The following PRKAG2 variants were observed in gnomAD, a reference collection of about 807,000 sequenced individuals.
The protein encoded by PRKAG2 is protein kinase AMP-activated non-catalytic subunit gamma 2.
PRKAG2 carries 26 observed loss-of-function variants against 69.6 expected under a neutral mutation model. The observed-to-expected ratio is 0.37, with a 90% CI of 0.27 to 0.52. PRKAG2 has a LOEUF of 0.52. Among genes scored for constraint, PRKAG2 ranks in the 20% least tolerant of loss-of-function variants. The pLI, the probability that PRKAG2 is intolerant of heterozygous loss-of-function variation, is 0.90. For missense variants in PRKAG2, 557 were observed against 740.0 expected (o/e 0.75, Z 2.87); for synonymous variants, 293 against 285.0 (o/e 1.03, Z -0.28).
chr7:151,641,244 CTTTTTTTTTTT>C (rs374667332), intron 4 of PRKAG2, among the ~76,000 whole-genome samples: 6 of 105,710 alleles, frequency 5.7e-5, no homozygotes, highest in Non-Finnish European at 7.4e-5. Context: ...TTCTTTTTTC[CTTTTTTTTTTT>C]TTTTTTTTTT....
At chr7:151,760,476 C>T (rs1219502368) in intron 3 of PRKAG2, among the ~76,000 whole-genome samples, 17 of 152,162 alleles carry the variant, frequency 1.1e-4, no homozygotes, top group Admixed American at 7.2e-4. Flanking sequence ...TCAGGTGATC[C>T]GCCCACCTCG....
In PRKAG2 at chr7:151,675,736, G is replaced by T. The variant is rs543229378; in HGVS notation, c.467-99C>A. 7.5e-6 allele frequency: 9 copies of T among 1,197,880 alleles called. No individual in the cohort carries two copies. The East Asian group carries it at 2.1e-4, about 28-fold the overall frequency. The allele number at this position is 1,197,880 out of a possible 1,614,324, so 74.2% of individuals were successfully genotyped here. ...GTCTCCAGGAAGGGAGATGGGGAGA[G>T]GTCAGAGGTCCGGCCTCCAGGAAGG... On this transcript the variant is annotated intron_variant, in intron 3 of 15. Transcript: ENST00000287878.
At chr7:151,562,244 C>CAAAAAAAAAAAAAAAAAAAAAAAAA (rs575674668) in intron 14 of PRKAG2, among the ~76,000 whole-genome samples, 1 of 38,476 alleles carries the variant, frequency 2.6e-5, no homozygotes, top group Admixed American at 3.9e-4. Flanking sequence ...GACTTTGTCT[C>CAAAAAAAAAAAAAAAAAAAAAAAAA]AAAAAAAAAA....
intron 15 of PRKAG2, chr7:151,557,662 G>A (rs1804040965): frequency 1.5e-6 from 1 of 655,670 alleles, no homozygotes; most frequent in Non-Finnish European, 1.9e-6. Context: ...CTGAGATCAG[G>A]AGTTCAAGAC....
intron 1 of PRKAG2, among the ~76,000 whole-genome samples, chr7:151,845,155 C>T (rs1233114304): frequency 1.3e-5 from 2 of 152,046 alleles, no homozygotes; most frequent in African/African-American, 2.4e-5. Flanking sequence ...CTCGGCATCC[C>T]TCTCCTGGCA....
At chr7:151,651,125 T>C (rs1456319943) in intron 4 of PRKAG2, among the ~76,000 whole-genome samples, 2 of 152,244 alleles carry the variant, frequency 1.3e-5, no homozygotes, top group Non-Finnish European at 2.9e-5. Context: ...CACGATGAGC[T>C]TGACAATTTC....
At position 151,876,606 on chromosome 7, in the gene PRKAG2, A is replaced by G; in HGVS notation, c.15T>C (p.Val5=). 3 of 1,609,384 alleles carry G rather than the reference A, an allele frequency of 1.9e-6. No individual in the cohort carries two copies. The highest frequency in any genetic ancestry group is 1.7e-6 in the Non-Finnish European group (2 of 1,179,898). ...CATCTTTTTTCTTCTTGGTGTCCAT[A>G]ACCGCGCTTCCCATAACTCTAACCA... MGSA[V]MDTKKKKDVS... is the part of the protein sequence containing the mutation. The change falls in exon 1 of 16, where the codon GTT becomes GTC. Residue 5 remains valine (V), a synonymous_variant. Coordinates refer to ENST00000287878, the MANE Select transcript of PRKAG2 (RefSeq NM_016203.4).
chr7:151,789,913 A>G (rs1451800263), intron 1 of PRKAG2, among the ~76,000 whole-genome samples: 1 of 151,948 alleles, frequency 6.6e-6, no homozygotes, highest in African/African-American at 2.4e-5. Flanking sequence ...CCGCAGCCTT[A>G]TTTCTGATGT....
intron 3 of PRKAG2, among the ~76,000 whole-genome samples, chr7:151,742,439 C>T (rs2073958486): frequency 6.6e-6 from 1 of 152,104 alleles, no homozygotes; most frequent in South Asian, 2.1e-4. Context: ...TCCTGGCCAA[C>T]ATGGTGAAAC....
chr7:151,591,899 AC>A, intron 6 of PRKAG2, among the ~76,000 whole-genome samples: 1 of 152,202 alleles, frequency 6.6e-6, no homozygotes, highest in East Asian at 1.9e-4. Flanking sequence ...TTCCTGGCCG[AC>A]TGCACCAGGC....
At chr7:151,657,607 A>G (rs1829634019) in intron 4 of PRKAG2, among the ~76,000 whole-genome samples, 1 of 152,236 alleles carries the variant, frequency 6.6e-6, no homozygotes, top group Non-Finnish European at 1.5e-5. Context: ...CTTGCAAAAT[A>G]GAGATAATAA....
chr7:151,659,545 C>T (rs1829998172), intron 4 of PRKAG2, among the ~76,000 whole-genome samples: 1 of 152,360 alleles, frequency 6.6e-6, no homozygotes, highest in Non-Finnish European at 1.5e-5. Context: ...GGGGTTCACA[C>T]ATGGTGACCG....
Position 151,719,124 on chromosome 7 carries a change from C to T in PRKAG2, c.467-43487G>A, listed in dbSNP as rs1051716496. 3.9e-5 allele frequency among the ~76,000 whole-genome samples: 6 copies of T among 152,160 alleles called. No homozygotes were observed. In the East Asian group the frequency reaches 7.7e-4, roughly 20 times the overall value. On this transcript the variant is annotated intron_variant, in intron 3 of 15. Coordinates refer to ENST00000287878, the MANE Select transcript of PRKAG2 (RefSeq NM_016203.4). This position sits in a 1 kb window ranked among gnomAD's most constrained non-coding sequence, Gnocchi z 5.2. ...GACGTGTGCCACCCTGTTCCCCGAG[C>T]GTTGCTCCGGGAGACGAGATGTATC...
chr7:151,806,198 G>A (rs552541640), intron 1 of PRKAG2, among the ~76,000 whole-genome samples: 5 of 152,322 alleles, frequency 3.3e-5, no homozygotes, highest in African/African-American at 1.2e-4. Flanking sequence ...CAACAACTAT[G>A]ACAACAACAA....
chr7:151,860,791 G>T (rs2079900212), intron 1 of PRKAG2, among the ~76,000 whole-genome samples: 2 of 152,156 alleles, frequency 1.3e-5, no homozygotes, highest in African/African-American at 4.8e-5. Context: ...AGAGGGCACT[G>T]TTCTCGCCCA....
At chr7:151,601,922 A>T (rs1000388572) in intron 5 of PRKAG2, among the ~76,000 whole-genome samples, 1 of 152,240 alleles carries the variant, frequency 6.6e-6, no homozygotes, top group African/African-American at 2.4e-5. Context: ...TCGTGAATGA[A>T]TAGCAGCGGC....
At chr7:151,576,474 A>G in intron 6 of PRKAG2, 22 bp from the exon 7 acceptor site, 1 of 1,544,692 alleles carries the variant, frequency 6.5e-7, no homozygotes, top group Non-Finnish European at 8.9e-7. Flanking sequence ...GAGGAGAAAC[A>G]AAACATACTT....
chr7:151,646,319 A>T lies in PRKAG2; in HGVS notation c.685-14181T>A, dbSNP rs544048131. ...AAGTGTTCCAATCCATGATCATGGC[A>T]TATCTTTCCATTTGTTTAGCCCTTT... is the stretch of plus-strand genomic sequence containing the variant. On this transcript the variant is annotated intron_variant, in intron 4 of 15. Coordinates refer to ENST00000287878, the MANE Select transcript of PRKAG2 (RefSeq NM_016203.4). Among the ~76,000 whole-genome samples, 6 of 152,328 alleles carry T rather than the reference A, an allele frequency of 3.9e-5. No homozygotes were observed. In the South Asian group the frequency reaches 1.2e-3, roughly 32 times the overall value.
At chr7:151,573,875 T>G (rs1808280012) in intron 8 of PRKAG2, among the ~76,000 whole-genome samples, 2 of 151,986 alleles carry the variant, frequency 1.3e-5, no homozygotes, top group Non-Finnish European at 2.9e-5. Flanking sequence ...GCCTCCTGGG[T>G]TCAAGCGATT....
Sources: allele counts gnomAD v4.1 joint callset (sites outside exome capture counted in the v4.1 genomes callset), GRCh38; gene constraint gnomAD v4.1.1; non-coding constraint Gnocchi (gnomAD v3.1); transcripts MANE v1.5; gene names NCBI Gene and HGNC (gene_info 2026-07-23, HGNC 2026-07-21).